The following NRG1 variants were observed in gnomAD, a reference collection of about 807,000 sequenced individuals.
The protein encoded by NRG1 is pro-neuregulin-1, membrane-bound isoform.
Under a neutral mutation model 63.8 loss-of-function variants are expected in NRG1, and 18 were observed. That is an observed-to-expected ratio of 0.28 (90% confidence interval 0.19 to 0.42). The LOEUF is 0.42. NRG1 is among the 10% of genes least tolerant of loss of function. The pLI is 1.00. For missense variants in NRG1, 762 were observed against 814.7 expected (o/e 0.94, Z 0.79); for synonymous variants, 302 against 301.3 (o/e 1.00, Z -0.02).
chr8:31,845,185 A>G (rs897357696), intron 1 of NRG1, among the ~76,000 whole-genome samples: 1 of 152,144 alleles, frequency 6.6e-6, no homozygotes, highest in Non-Finnish European at 1.5e-5. Context: ...AGCCCTTCAT[A>G]TAAGTCTATT....
intron 1 of NRG1, among the ~76,000 whole-genome samples, chr8:32,215,123 A>G (rs1306115926): frequency 3.3e-5 from 5 of 152,224 alleles, no homozygotes; most frequent in Admixed American, 3.3e-4. Flanking sequence ...ATATATACAT[A>G]TATTTTATTT....
chr8:32,161,616 A>G (rs1838841002), intron 1 of NRG1, among the ~76,000 whole-genome samples: 1 of 151,984 alleles, frequency 6.6e-6, no homozygotes, highest in South Asian at 2.1e-4. Flanking sequence ...TGCTAACTCT[A>G]GTAACAACCC....
At position 32,201,093 on chromosome 8, in the gene NRG1, C is replaced by T. The variant is rs1843459375; in HGVS notation, c.38-394735C>T. Among the ~76,000 whole-genome samples the T allele has an allele frequency of 2.0e-5, 3 of 152,340 alleles. No individual in the cohort carries two copies. The South Asian group carries it at 6.2e-4, about 32-fold the overall frequency. On this transcript the variant is annotated intron_variant, in intron 1 of 10. Coordinates refer to the NRG1 transcript ENST00000519301. Reference sequence around the variant, plus strand: ...TGTACCTTGTCCATACACTTGTCAACTGGCACCCAAGTTCAGGCAGTCTCC... The same window carrying T: ...TGTACCTTGTCCATACACTTGTCAATTGGCACCCAAGTTCAGGCAGTCTCC...
At chr8:31,783,513 T>C (rs1243499976) in intron 1 of NRG1, among the ~76,000 whole-genome samples, 1 of 151,294 alleles carries the variant, frequency 6.6e-6, no homozygotes, top group African/African-American at 2.4e-5. Context: ...TGAGGCCCTC[T>C]ATAAATGCCA....
At chr8:32,732,505 G>C (rs1823932102) in intron 6 of NRG1, among the ~76,000 whole-genome samples, 1 of 152,092 alleles carries the variant, frequency 6.6e-6, no homozygotes, top group African/African-American at 2.4e-5. Flanking sequence ...CCTTCATCTG[G>C]AGGGGATTAG....
intron 1 of NRG1, among the ~76,000 whole-genome samples, chr8:32,290,815 T>G (rs1854107895): frequency 6.6e-6 from 1 of 152,006 alleles, no homozygotes; most frequent in African/African-American, 2.4e-5. Context: ...GAGATCTAAT[T>G]AAATTATGAA....
intron 1 of NRG1, among the ~76,000 whole-genome samples, chr8:32,303,559 G>T (rs759071693): frequency 1.3e-5 from 2 of 152,102 alleles, no homozygotes; most frequent in Non-Finnish European, 2.9e-5. Context: ...TGCCAGCACC[G>T]TTAGCAAAAG....
chr8:32,752,771 T>C (rs1294123688), intron 7 of NRG1, among the ~76,000 whole-genome samples: 2 of 152,186 alleles, frequency 1.3e-5, no homozygotes, highest in African/African-American at 4.8e-5. Flanking sequence ...CCCTTTTGAT[T>C]TGTTTTTGTA....
At chr8:32,261,893 T>C (rs1315387419) in intron 1 of NRG1, among the ~76,000 whole-genome samples, 1 of 152,186 alleles carries the variant, frequency 6.6e-6, no homozygotes, top group Non-Finnish European at 1.5e-5. Context: ...TAAGACTATC[T>C]TGCATTGGGA....
At chr8:32,531,555 C>A (rs1447122445) in intron 1 of NRG1, among the ~76,000 whole-genome samples, 2 of 152,232 alleles carry the variant, frequency 1.3e-5, no homozygotes, top group East Asian at 3.9e-4. Flanking sequence ...GGAAACTATG[C>A]AATTCGAATG....
intron 1 of NRG1, among the ~76,000 whole-genome samples, chr8:31,700,112 C>T (rs895091339): frequency 3.3e-5 from 5 of 152,050 alleles, no homozygotes; most frequent in Non-Finnish European, 5.9e-5. Context: ...GCCCATGTCT[C>T]TTAAAAAAGA....
intron 1 of NRG1, among the ~76,000 whole-genome samples, chr8:32,061,429 C>CT (rs1455624178): frequency 6.6e-6 from 1 of 151,822 alleles, no homozygotes; most frequent in Non-Finnish European, 1.5e-5. Flanking sequence ...TTTTTCTGAG[C>CT]TTCCTTTACC....
intron 1 of NRG1, among the ~76,000 whole-genome samples, chr8:32,449,980 G>C (rs1820756519): frequency 6.6e-6 from 1 of 152,102 alleles, no homozygotes. Flanking sequence ...TCCGGGATGG[G>C]AACAGGCTGG....
chr8:32,482,425 T>TGTGTGTGTGTGTGTGTG (rs1554555725), intron 1 of NRG1, among the ~76,000 whole-genome samples: 1 of 150,692 alleles, frequency 6.6e-6, no homozygotes, highest in African/African-American at 2.4e-5. Context: ...TGTGTGTGTG[T>TGTGTGTGTGTGTGTGTG]TCTCTGGTAT....
In NRG1 at chr8:32,094,485, G is replaced by T. The variant is rs147763526; in HGVS notation, c.37+455054G>T. Among the ~76,000 whole-genome samples, 176 of 152,248 alleles carry T rather than the reference G, an allele frequency of 1.2e-3. 1 individual carries two copies. The highest frequency in any genetic ancestry group is 4.0e-3 in the African/African-American group (166 of 41,556). On this transcript the variant is annotated intron_variant, in intron 1 of 10. Transcript: ENST00000519301. The stretch of plus-strand genomic sequence containing the variant: ...ATCACTTGAAATGATAATATAGCTT[G>T]TATGTTGTTCCCAAGCTGTCGTATA...
chr8:32,291,232 G>T lies in NRG1; in HGVS notation c.38-304596G>T, dbSNP rs1854158069. ...TGTTTTAGTCAATTTATATTTAAATGTTAATCTAATCTAAAGCCACCCTCA... is the reference window on the plus strand; with the variant it reads ...TGTTTTAGTCAATTTATATTTAAATTTTAATCTAATCTAAAGCCACCCTCA... On this transcript the variant is annotated intron_variant, in intron 1 of 10. Transcript: ENST00000519301. 1.3e-5 allele frequency among the ~76,000 whole-genome samples: 2 copies of T among 152,128 alleles called. 1 individual carries two copies. Among genetic ancestry groups the T allele is most frequent in the South Asian group, 4.1e-4 (2 of 4,826 alleles).
intron 1 of NRG1, among the ~76,000 whole-genome samples, chr8:31,661,092 A>C (rs889550878): frequency 1.3e-5 from 2 of 152,200 alleles, no homozygotes; most frequent in African/African-American, 4.8e-5. Flanking sequence ...CAGTTTATAT[A>C]ATATGGTCTT....
At chr8:31,772,983 A>AAGC (rs1818777952) in intron 1 of NRG1, among the ~76,000 whole-genome samples, 2 of 152,296 alleles carry the variant, frequency 1.3e-5, no homozygotes, top group South Asian at 2.1e-4. Flanking sequence ...TTTGCCCAAA[A>AAGC]AGCAGCAGAC....
intron 1 of NRG1, among the ~76,000 whole-genome samples, chr8:32,262,500 A>G (rs1850496963): frequency 1.3e-5 from 2 of 152,186 alleles, no homozygotes; most frequent in East Asian, 1.9e-4. Flanking sequence ...TCAACCGCAG[A>G]CACCTCATTT....
Sources: gnomAD v4.1 joint callset for allele counts (sites outside exome capture counted in the v4.1 genomes callset) on GRCh38, gnomAD v4.1.1 for gene constraint, MANE v1.5 for transcripts, NCBI Gene and HGNC (gene_info 2026-07-23, HGNC 2026-07-21) for gene names.